ZNF516: variants seen among roughly 807,000 people sequenced by gnomAD.
ZNF516 encodes the protein zinc finger protein 516.
Under a neutral mutation model 79.7 loss-of-function variants are expected in ZNF516, and 19 were observed. The observed-to-expected ratio is 0.24, with a 90% CI of 0.17 to 0.35. The LOEUF (loss-of-function observed/expected upper bound fraction) is 0.35. Among genes scored for constraint, ZNF516 ranks in the 10% least tolerant of loss-of-function variants. The pLI is 1.00. For missense variants in ZNF516, 1,678 were observed against 1,679.5 expected, an observed-to-expected ratio of 1.00 and a Z score of 0.02; for synonymous variants, 877 against 739.5, an observed-to-expected ratio of 1.19 and a Z score of -3.02.
intron 3 of ZNF516, among the ~76,000 whole-genome samples, chr18:76,397,362 C>T (rs1279553393): frequency 6.6e-6 from 1 of 150,682 alleles, no homozygotes; most frequent in African/African-American, 2.4e-5. Context: ...ACAATGTGAA[C>T]TACAAAAAAA....
At chr18:76,380,889 G>A (rs2074880792) in intron 3 of ZNF516, among the ~76,000 whole-genome samples, 2 of 152,198 alleles carry the variant, frequency 1.3e-5, no homozygotes, top group African/African-American at 4.8e-5. Flanking sequence ...TCTCTCCTGT[G>A]AGGGCAATTC....
At chr18:76,491,574 C>CGGGGGGCGGGCGCCGGGGGGCG (rs1915222122) in intron 1 of ZNF516, 1 of 149,676 alleles carries the variant, frequency 6.7e-6, no homozygotes, top group South Asian at 2.1e-4. Flanking sequence ...CGCCGGGGGG[C>CGGGGGGCGGGCGCCGGGGGGCG]GGGGGCGGCG....
intron 4 of ZNF516, among the ~76,000 whole-genome samples, chr18:76,374,489 A>G (rs909031039): frequency 6.6e-6 from 1 of 152,224 alleles, no homozygotes; most frequent in Non-Finnish European, 1.5e-5. Context: ...TAGACTCTTC[A>G]TATCTACAGA....
chr18:76,370,650 C>T, intron 5 of ZNF516, 55 bp from the exon 6 acceptor site: 1 of 1,456,288 alleles, frequency 6.9e-7, no homozygotes, highest in South Asian at 1.3e-5. Flanking sequence ...CGGACGTGCA[C>T]ATTAAATGAG....
intron 3 of ZNF516, among the ~76,000 whole-genome samples, chr18:76,426,401 G>T (rs1030928107): frequency 6.6e-6 from 1 of 152,056 alleles, no homozygotes; most frequent in Non-Finnish European, 1.5e-5. Flanking sequence ...TACCAGAAAA[G>T]GTTTACTCAC....
chr18:76,475,677 C>A (rs138526121), intron 1 of ZNF516, among the ~76,000 whole-genome samples: 1 of 152,330 alleles, frequency 6.6e-6, no homozygotes, highest in Non-Finnish European at 1.5e-5. Context: ...CAGACCAAAT[C>A]TGTGCCAGTG....
chr18:76,482,380 T>G (rs867059861), intron 1 of ZNF516, among the ~76,000 whole-genome samples: 2 of 152,242 alleles, frequency 1.3e-5, no homozygotes, highest in African/African-American at 4.8e-5. Context: ...CTTACACTTT[T>G]TCAACTTTAC....
rs1200881079 is a variant in ZNF516 at position 76,487,761 on chromosome 18, C to T, written c.-272+7383G>A. Among the ~76,000 whole-genome samples, 3 of 114,954 alleles carry T rather than the reference C, an allele frequency of 2.6e-5. No individual in the cohort carries two copies. In the East Asian group the frequency reaches 9.6e-4, roughly 37 times the overall value. 75.4% of individuals were successfully genotyped at this position (114,954 alleles called of 152,430 possible). On this transcript the variant is annotated intron_variant, in intron 1 of 6. Transcript: ENST00000443185. Reference sequence around the variant, plus strand: ...CAAAGAGAATGTCCTGCCCCACTCCCAAACTCACTGGTTCCTGGGACCAGA... The same window carrying T: ...CAAAGAGAATGTCCTGCCCCACTCCTAAACTCACTGGTTCCTGGGACCAGA...
chr18:76,489,600 A>C (rs1599169811), intron 1 of ZNF516, among the ~76,000 whole-genome samples: 1 of 151,250 alleles, frequency 6.6e-6, no homozygotes, highest in Non-Finnish European at 1.5e-5. Flanking sequence ...AAAAAAAAAA[A>C]AAAAAAAGTT....
rs777368419 is a variant in ZNF516, at chr18:76,459,162, C to T, written c.-158+3866G>A. Among the ~76,000 whole-genome samples, 2 of 152,386 alleles carry T rather than the reference C, an allele frequency of 1.3e-5. No homozygotes were observed. The highest frequency in any genetic ancestry group is 1.9e-4 in the East Asian group (1 of 5,184). On this transcript the variant is annotated intron_variant, in intron 2 of 6. Coordinates refer to ENST00000443185, the MANE Select transcript of ZNF516 (RefSeq NM_014643.4). This position sits in a 1 kb window ranked among gnomAD's most constrained non-coding sequence, Gnocchi z 5.0. ...ATTACCAGCTTCGCACAGAGCCAGA[C>T]GCTGCAGCAGTAACGGGGCGCCGGG...
rs370105859 is a variant in ZNF516, at chr18:76,379,560, A to C, written c.2554T>G (p.Ser852Ala). ...GGMPGSKSGS[S>A]PLGVVTKAAS... is the part of the protein sequence containing the mutation. ...GCTTTTGTGACCACTCCCAGGGGAGAAGAGCCACTTTTGGACCCCGGCATC... is the reference window on the plus strand; with the variant it reads ...GCTTTTGTGACCACTCCCAGGGGAGCAGAGCCACTTTTGGACCCCGGCATC... The change falls in exon 4 of 7, where the codon TCT becomes GCT. Residue 852 changes from serine to alanine, a missense_variant. Physicochemically the swap from Ser to Ala is moderately conservative, Grantham distance 99 (BLOSUM62 1). Around this residue, in one of 5 missense-constraint regions of ZNF516, gnomAD observed 1,294 missense variants for 1,248.3 expected, o/e 1.04. Coordinates refer to ENST00000443185, the MANE Select transcript of ZNF516 (RefSeq NM_014643.4). 18 of 1,613,548 alleles carry C rather than the reference A, an allele frequency of 1.1e-5. No homozygotes were observed. The highest frequency in any genetic ancestry group is 1.5e-5 in the Non-Finnish European group (18 of 1,179,884).
chr18:76,491,038 G>A (rs147349878), intron 1 of ZNF516: 619 of 985,174 alleles, frequency 6.3e-4, no homozygotes, highest in Non-Finnish European at 7.3e-4. Context: ...CCCCAAATCC[G>A]CTCGCGGGCG....
In ZNF516 at chr18:76,359,567, G is replaced by T; in HGVS notation, c.*2931C>A. On this transcript the variant is annotated 3_prime_UTR_variant, in exon 7 of 7. Coordinates refer to ENST00000443185, the MANE Select transcript of ZNF516 (RefSeq NM_014643.4). ...GAGGAAGAGATATGAGCAGGAAACA[G>T]GAGAGTATAGGAAGGCAGGCCAGGG... 6.6e-6 allele frequency: 1 copy of T among 152,348 alleles called. No homozygotes were observed. The allele number at this position is 152,348 out of a possible 1,614,324, so 9.4% of individuals were successfully genotyped here.
At chr18:76,461,156 T>C (rs1913084472) in intron 2 of ZNF516, among the ~76,000 whole-genome samples, 1 of 152,182 alleles carries the variant, frequency 6.6e-6, no homozygotes, top group African/African-American at 2.4e-5. Flanking sequence ...CACTCCAACC[T>C]GGGCGACAGA....
intron 3 of ZNF516, among the ~76,000 whole-genome samples, chr18:76,407,115 G>A (rs2075313957): frequency 6.6e-6 from 1 of 152,114 alleles, no homozygotes; most frequent in African/African-American, 2.4e-5. Flanking sequence ...TTTGTGAGGT[G>A]GATTCAAGGA....
At chr18:76,473,908 G>GC (rs1914022490) in intron 1 of ZNF516, among the ~76,000 whole-genome samples, 2 of 145,760 alleles carry the variant, frequency 1.4e-5, no homozygotes, top group African/African-American at 2.5e-5. Flanking sequence ...TTGTGTGGGG[G>GC]GGGGGGGGGC....
rs750340271 is a variant in ZNF516 at position 76,441,594 on chromosome 18, G to A, written c.1461C>T (p.Pro487=). The A allele has an allele frequency of 2.4e-5, 34 of 1,438,398 alleles. No individual in the cohort carries two copies. Among genetic ancestry groups the A allele is most frequent in the East Asian group, 1.7e-4 (6 of 34,672 alleles). 89.1% of individuals were successfully genotyped at this position (1,438,398 alleles called of 1,614,324 possible). A position where few individuals can be genotyped will look rare whatever the true frequency, so the allele number is the denominator to read the frequency against. The part of the protein sequence containing the change: ...PRKRASGPGD[P]APAGHLDPRS... The stretch of plus-strand genomic sequence containing the variant: ...GGGGATCGAGGTGGCCGGCGGGCGC[G>A]GGGTCCCCAGGCCCGCTCGCGCGCT... The change falls in exon 3 of 7, where the codon CCC becomes CCT. Residue 487 remains proline (P), a synonymous_variant. Coordinates refer to ENST00000443185, the MANE Select transcript of ZNF516 (RefSeq NM_014643.4).
chr18:76,433,771 C>T (rs184708032), intron 3 of ZNF516, among the ~76,000 whole-genome samples: 8 of 152,268 alleles, frequency 5.3e-5, no homozygotes, highest in Admixed American at 2.0e-4. Flanking sequence ...TGGGCTTAGT[C>T]GCAGCACATC....
rs143894009 is a variant in ZNF516, at chr18:76,447,441, T to C, written c.-157-4230A>G. 2.9e-3 allele frequency among the ~76,000 whole-genome samples: 437 copies of C among 152,284 alleles called. 6 individuals are homozygous for C. Among genetic ancestry groups the C allele is most frequent in the South Asian group, 0.025 (121 of 4,828 alleles). ...CTACCTCAGTTCCAGCCGCAGACAT[T>C]TCCGTCCTGGGCTGCTCTATTCCAC... On this transcript the variant is annotated intron_variant, in intron 2 of 6. Transcript: ENST00000443185.
Sources: gnomAD v4.1 joint callset for allele counts (sites outside exome capture counted in the v4.1 genomes callset) on GRCh38, gnomAD v4.1.1 for gene constraint, gnomAD v4.1.1 regional missense constraint, Gnocchi (gnomAD v3.1) non-coding constraint, MANE v1.5 for transcripts, NCBI Gene and HGNC (gene_info 2026-07-23, HGNC 2026-07-21) for gene names.